The following ATXN2 variants were observed in gnomAD, a reference collection of about 807,000 sequenced individuals.
ATXN2 encodes the protein ataxin 2.
In ATXN2, 37 loss-of-function variants were observed where a neutral mutation model predicts 138.6. The observed-to-expected ratio is 0.27, with a 90% confidence interval of 0.21 to 0.35. The LOEUF (loss-of-function observed/expected upper bound fraction) is 0.35, where lower values mean the gene tolerates loss of function less well. Ranked by LOEUF, ATXN2 falls within the 10% of genes least tolerant of loss-of-function variation. The pLI is 1.00. For synonymous variants in ATXN2, 549 were observed against 543.7 expected (o/e 1.01, Z -0.13); for missense variants, 1,216 against 1,480.3 (o/e 0.82, Z 2.93).
At chr12:111,544,355 CAA>C (rs1413984127) in intron 5 of ATXN2, among the ~76,000 whole-genome samples, 3 of 152,166 alleles carry the variant, frequency 2.0e-5, no homozygotes, top group Admixed American at 2.0e-4. Flanking sequence ...AATGCTTCTA[CAA>C]AAGTGTATTA....
chr12:111,574,036 G>A (rs567432987), intron 1 of ATXN2, among the ~76,000 whole-genome samples: 13 of 151,036 alleles, frequency 8.6e-5, no homozygotes, highest in Non-Finnish European at 1.8e-4. Flanking sequence ...GGAGACTTCC[G>A]GCCGGGTGCG....
At position 111,552,176 on chromosome 12, in the gene ATXN2, C is replaced by T; in HGVS notation, c.571+104G>A. On this transcript the variant is annotated intron_variant, in intron 5 of 24. Coordinates refer to ENST00000673436, the MANE Select transcript of ATXN2 (RefSeq NM_001372574.1). This position sits in a 1 kb window ranked among gnomAD's most constrained non-coding sequence, Gnocchi z 4.1. ...GATTACAGGAATGAGCCGCCATACC[C>T]AGCCCAGATATTTCTTTAAAAAAAG... The T allele has an allele frequency of 1.6e-6, 2 of 1,263,806 alleles. No homozygotes were observed. Among genetic ancestry groups the T allele is most frequent in the Non-Finnish European group, 2.1e-6 (2 of 939,220 alleles). 78.3% of individuals were successfully genotyped at this position (1,263,806 alleles called of 1,614,324 possible).
At chr12:111,528,317 C>T (rs1880617287) in intron 5 of ATXN2, among the ~76,000 whole-genome samples, 1 of 152,104 alleles carries the variant, frequency 6.6e-6, no homozygotes, top group South Asian at 2.1e-4. Flanking sequence ...GTCAAGCCGT[C>T]TTCAAACCAA....
chr12:111,586,311 T>G (rs553699474), intron 1 of ATXN2, among the ~76,000 whole-genome samples: 4 of 138,688 alleles, frequency 2.9e-5, no homozygotes, highest in Non-Finnish European at 6.2e-5. Context: ...AACCTTCACC[T>G]CCCGGGTTCA....
chr12:111,471,709 T>C (rs1481780676), intron 18 of ATXN2: 4 of 151,802 alleles, frequency 2.6e-5, no homozygotes, highest in African/African-American at 9.7e-5. Flanking sequence ...AACCTGAACA[T>C]TTTTTTATAT....
intron 5 of ATXN2, among the ~76,000 whole-genome samples, chr12:111,549,002 G>A (rs1385949163): frequency 6.6e-6 from 1 of 152,084 alleles, no homozygotes; most frequent in East Asian, 1.9e-4. Flanking sequence ...TTACAGGAGT[G>A]AGCCACCGCA....
intron 7 of ATXN2, 90 bp downstream of exon 7, chr12:111,520,792 A>T: frequency 1.4e-6 from 1 of 708,116 alleles, no homozygotes; most frequent in Non-Finnish European, 2.2e-6. Context: ...TGTTTAACTT[A>T]AAAACTAACA....
chr12:111,531,359 G>C (rs1248584454), intron 5 of ATXN2, among the ~76,000 whole-genome samples: 1 of 152,188 alleles, frequency 6.6e-6, no homozygotes, highest in Non-Finnish European at 1.5e-5. Context: ...AACTACTAGG[G>C]AGGCGGAGGT....
At chr12:111,543,656 AT>A (rs1448296121) in intron 5 of ATXN2, among the ~76,000 whole-genome samples, 1 of 152,140 alleles carries the variant, frequency 6.6e-6, no homozygotes, top group African/African-American at 2.4e-5. Context: ...TTGATATTCA[AT>A]GTCATGCAGT....
intron 5 of ATXN2, among the ~76,000 whole-genome samples, chr12:111,547,413 C>G (rs1479021828): frequency 6.8e-6 from 1 of 147,814 alleles, no homozygotes; most frequent in Non-Finnish European, 1.5e-5. Context: ...GGTGACAGAG[C>G]GAGACTCCGC....
chr12:111,497,693 A>G (rs1475841844), intron 14 of ATXN2, among the ~76,000 whole-genome samples: 1 of 151,796 alleles, frequency 6.6e-6, no homozygotes, highest in Non-Finnish European at 1.5e-5. Flanking sequence ...TATATAATTT[A>G]TATCACATAA....
intron 1 of ATXN2, among the ~76,000 whole-genome samples, chr12:111,559,751 C>T (rs1370547875): frequency 4.4e-5 from 6 of 136,996 alleles, no homozygotes; most frequent in Non-Finnish European, 6.1e-5. Flanking sequence ...CCAGCCTGGG[C>T]GACAGAGCAA....
chr12:111,521,651 G>A (rs771865605), intron 6 of ATXN2, among the ~76,000 whole-genome samples: 5 of 152,130 alleles, frequency 3.3e-5, no homozygotes, highest in Non-Finnish European at 7.4e-5. Flanking sequence ...CCTCAGAAGT[G>A]GCAACTCTGG....
At chr12:111,504,302 C>CT (rs372741717) in intron 14 of ATXN2, among the ~76,000 whole-genome samples, 7 of 151,954 alleles carry the variant, frequency 4.6e-5, no homozygotes, top group South Asian at 2.1e-4. Context: ...AAAGAATAGT[C>CT]TTTTTTTTGA....
At position 111,491,388 on chromosome 12, in the gene ATXN2, G is replaced by GCT. The variant is rs753580704; in HGVS notation, c.1936-2610_1936-2609dup. 2.6e-5 allele frequency among the ~76,000 whole-genome samples: 4 copies of GCT among 152,138 alleles called. No homozygotes were observed. The East Asian group carries it at 5.8e-4, about 22-fold the overall frequency. On this transcript the variant is annotated intron_variant, in intron 14 of 24. Transcript: ENST00000673436. ...TGGACAAGTCATGGTACTGTGCTGG[G>GCT]CTCATAGTCAGTGGACTTGGGGTAC...
intron 21 of ATXN2, among the ~76,000 whole-genome samples, chr12:111,462,601 C>A (rs1053900793): frequency 1.3e-4 from 20 of 152,154 alleles, no homozygotes; most frequent in Non-Finnish European, 2.6e-4. Flanking sequence ...GGAAATGAAG[C>A]AGCAGATTAA....
chr12:111,488,605 A>G lies in ATXN2; in HGVS notation c.2111T>C (p.Ile704Thr), dbSNP rs1027660357. ...SGSSKPNSPSISPSILSNTEH... is the reference protein window; with the variant it reads ...SGSSKPNSPSTSPSILSNTEH... ...CGTGTTACTAAGTATTGAAGGGGAAATGCTGGGGCTATTCGGCTTGCTGCT... is the reference window on the plus strand; with the variant it reads ...CGTGTTACTAAGTATTGAAGGGGAAGTGCTGGGGCTATTCGGCTTGCTGCT... The change falls in exon 15 of 25, where the codon ATT (isoleucine) becomes ACT (threonine). Residue 704 changes from isoleucine (I) to threonine (T), a missense_variant. This residue lies in a region of ATXN2 where 490 missense variants were observed against 653.5 expected (regional missense o/e 0.75). Coordinates refer to ENST00000673436, the MANE Select transcript of ATXN2 (RefSeq NM_001372574.1). The G allele has an allele frequency of 1.3e-5, 21 of 1,613,982 alleles. No homozygotes were observed. The highest frequency in any genetic ancestry group is 1.7e-5 in the Admixed American group (1 of 59,976).
chr12:111,497,756 C>T (rs1325409116), intron 14 of ATXN2, among the ~76,000 whole-genome samples: 1 of 152,112 alleles, frequency 6.6e-6, no homozygotes, highest in Non-Finnish European at 1.5e-5. Context: ...GTGGCTCACG[C>T]CTGTAATCCC....
At chr12:111,580,829 T>G in intron 1 of ATXN2, among the ~76,000 whole-genome samples, 1 of 149,926 alleles carries the variant, frequency 6.7e-6, no homozygotes, top group Admixed American at 6.7e-5. Context: ...AGAGGAGGGA[T>G]GAAGAGAAAG....
Sources: gnomAD v4.1 joint callset for allele counts (sites outside exome capture counted in the v4.1 genomes callset) on GRCh38, gnomAD v4.1.1 for gene constraint, gnomAD v4.1.1 regional missense constraint, Gnocchi (gnomAD v3.1) non-coding constraint, MANE v1.5 for transcripts, NCBI Gene and HGNC (gene_info 2026-07-23, HGNC 2026-07-21) for gene names.